The following PIK3C3 variants were observed in gnomAD, a reference collection of about 807,000 sequenced individuals.
PIK3C3 encodes the protein phosphatidylinositol 3-kinase catalytic subunit type 3, also known as PI3-kinase type 3.
Under a neutral mutation model 126.1 loss-of-function variants are expected in PIK3C3, and 95 were observed. That is an observed-to-expected ratio of 0.75 (90% CI 0.64 to 0.89). The LOEUF is 0.89. Among genes scored for constraint, PIK3C3 ranks in the 40% least tolerant of loss-of-function variants. The pLI, the probability that PIK3C3 is intolerant of heterozygous loss-of-function variation, is 0.00. For synonymous variants in PIK3C3, 374 were observed against 360.0 expected, an observed-to-expected ratio of 1.04 and a Z score of -0.44; for missense variants, 829 against 1,063.2, an observed-to-expected ratio of 0.78 and a Z score of 3.06.
At chr18:41,971,571 G>C (rs1463458914) in intron 4 of PIK3C3, 1 of 151,884 alleles carries the variant, frequency 6.6e-6, no homozygotes, top group Non-Finnish European at 1.5e-5. Flanking sequence ...ATTCTGACGT[G>C]GGATATAGGA....
chr18:42,054,188 A>ATATG (rs1984955023), intron 21 of PIK3C3, among the ~76,000 whole-genome samples: 1 of 96,604 alleles, frequency 1.0e-5, no homozygotes, highest in Non-Finnish European at 2.0e-5. Flanking sequence ...ATATATATAT[A>ATATG]TATAAAGGGG....
chr18:42,066,312 A>G (rs555760341), intron 23 of PIK3C3, among the ~76,000 whole-genome samples: 5 of 152,280 alleles, frequency 3.3e-5, no homozygotes, highest in African/African-American at 1.2e-4. Context: ...AGCTGGGGCT[A>G]TGGATTGTTG....
At chr18:41,978,269 C>T (rs1364309879) in intron 4 of PIK3C3, among the ~76,000 whole-genome samples, 1 of 152,150 alleles carries the variant, frequency 6.6e-6, no homozygotes, top group Non-Finnish European at 1.5e-5. Context: ...GGCTAATTTA[C>T]ACCACTATAA....
At chr18:41,981,714 C>T (rs964825292) in intron 4 of PIK3C3, among the ~76,000 whole-genome samples, 11 of 151,266 alleles carry the variant, frequency 7.3e-5, no homozygotes, top group Admixed American at 1.3e-4. Flanking sequence ...AATCCCAGTA[C>T]TTTGGGAGGC....
chr18:42,045,076 G>A lies in PIK3C3; in HGVS notation c.2188+1259G>A, dbSNP rs573861502. Reference sequence around the variant, plus strand: ...AATTTATTCGTGATGATACATTTTTGTCTGAAAAGCAGAAAGAAAATGAAC... The same window carrying A: ...AATTTATTCGTGATGATACATTTTTATCTGAAAAGCAGAAAGAAAATGAAC... On this transcript the variant is annotated intron_variant, in intron 20 of 24. Transcript: ENST00000262039. Among the ~76,000 whole-genome samples the A allele has an allele frequency of 3.9e-5, 6 of 152,044 alleles. No homozygotes were observed. In the East Asian group the frequency reaches 1.2e-3, roughly 29 times the overall value.
At chr18:41,962,461 C>T in intron 2 of PIK3C3, 28 bp from the exon 3 acceptor site, 1 of 1,570,522 alleles carries the variant, frequency 6.4e-7, no homozygotes, top group East Asian at 2.3e-5. Context: ...ATATGTATTT[C>T]TGATTTATGT....
At chr18:42,001,040 A>G (rs1982263043) in intron 9 of PIK3C3, among the ~76,000 whole-genome samples, 1 of 152,198 alleles carries the variant, frequency 6.6e-6, no homozygotes, top group Non-Finnish European at 1.5e-5. Flanking sequence ...CTGAGAATTT[A>G]GTTGGTAGAA....
intron 18 of PIK3C3, among the ~76,000 whole-genome samples, chr18:42,040,156 C>CTTTTTTTTT (rs55821466): frequency 1.4e-4 from 15 of 110,516 alleles, no homozygotes; most frequent in African/African-American, 5.8e-4. Flanking sequence ...GTCCCCTTTC[C>CTTTTTTTTT]TTTTTTTTTT....
chr18:42,012,259 T>C (rs531054561), intron 10 of PIK3C3, among the ~76,000 whole-genome samples: 1 of 151,594 alleles, frequency 6.6e-6, no homozygotes, highest in African/African-American at 2.4e-5. Flanking sequence ...TAAGGAAATA[T>C]GGGTTGCTGG....
intron 9 of PIK3C3, among the ~76,000 whole-genome samples, chr18:42,001,453 C>T (rs1598884225): frequency 6.6e-6 from 1 of 152,176 alleles, no homozygotes; most frequent in Non-Finnish European, 1.5e-5. Context: ...TTGCTCTTTA[C>T]AATTCTCTTT....
chr18:42,020,351 C>T (rs1323679897), intron 12 of PIK3C3, among the ~76,000 whole-genome samples: 6 of 152,040 alleles, frequency 3.9e-5, no homozygotes, highest in Non-Finnish European at 7.4e-5. Context: ...TTCTAATCTC[C>T]CAACCTAAAT....
At chr18:42,047,451 T>G (rs1448950310) in intron 20 of PIK3C3, among the ~76,000 whole-genome samples, 2 of 152,174 alleles carry the variant, frequency 1.3e-5, no homozygotes, top group Non-Finnish European at 2.9e-5. Flanking sequence ...AGTAAGTCAC[T>G]TAGTTATTTT....
At chr18:42,047,291 A>T (rs934224233) in intron 20 of PIK3C3, among the ~76,000 whole-genome samples, 3 of 152,204 alleles carry the variant, frequency 2.0e-5, no homozygotes, top group Non-Finnish European at 4.4e-5. Context: ...GCTTGTCTTC[A>T]TATGCACATT....
intron 24 of PIK3C3, among the ~76,000 whole-genome samples, chr18:42,076,379 C>A (rs1354914804): frequency 2.0e-5 from 3 of 151,572 alleles, no homozygotes; most frequent in Non-Finnish European, 4.4e-5. Flanking sequence ...CTTTCACCTA[C>A]CCATCAAAGA....
chr18:41,996,860 G>T (rs945135251), intron 9 of PIK3C3, 130 bp downstream of exon 9: 1 of 448,974 alleles, frequency 2.2e-6, no homozygotes, highest in Non-Finnish European at 4.0e-6. Flanking sequence ...GTATATATGA[G>T]ACTCCATTTT....
intron 14 of PIK3C3, among the ~76,000 whole-genome samples, chr18:42,028,257 T>C (rs1050663173): frequency 6.6e-6 from 1 of 152,228 alleles, no homozygotes; most frequent in Non-Finnish European, 1.5e-5. Context: ...TTATTTTCCT[T>C]TCTATTGTGT....
intron 20 of PIK3C3, among the ~76,000 whole-genome samples, chr18:42,044,514 G>A (rs1984473116): frequency 6.6e-6 from 1 of 152,076 alleles, no homozygotes; most frequent in South Asian, 2.1e-4. Flanking sequence ...CCAGGCTCAG[G>A]TGATTCTTCC....
chr18:41,996,755 T>G, intron 9 of PIK3C3, 25 bp downstream of exon 9: 1 of 1,047,596 alleles, frequency 9.5e-7, no homozygotes. Flanking sequence ...TATTTTCATA[T>G]ATCAAATTTA....
At chr18:42,023,248 G>A (rs1983406638) in intron 13 of PIK3C3, among the ~76,000 whole-genome samples, 1 of 152,152 alleles carries the variant, frequency 6.6e-6, no homozygotes, top group Non-Finnish European at 1.5e-5. Flanking sequence ...TATTCTTTGT[G>A]TTTGATTGAA....
Sources: allele counts gnomAD v4.1 joint callset (sites outside exome capture counted in the v4.1 genomes callset), GRCh38; gene constraint gnomAD v4.1.1; transcripts MANE v1.5; gene names NCBI Gene and HGNC (gene_info 2026-07-23, HGNC 2026-07-21).